LDLRAD3: variants seen among roughly 807,000 people sequenced by gnomAD.
LDLRAD3 encodes the protein low-density lipoprotein receptor class A domain-containing protein 3.
A neutral mutation model predicts 29.4 loss-of-function variants in LDLRAD3; 20 were observed. That is an observed-to-expected ratio of 0.68 (90% CI 0.48 to 0.99). The LOEUF (loss-of-function observed/expected upper bound fraction) is 0.99. Ranked by LOEUF, LDLRAD3 falls within the 50% of genes least tolerant of loss-of-function variation. The pLI, the probability that LDLRAD3 is intolerant of heterozygous loss-of-function variation, is 0.00. For synonymous variants in LDLRAD3, 157 were observed against 192.7 expected (o/e 0.81, Z 1.53); for missense variants, 420 against 454.3 (o/e 0.92, Z 0.69).
intron 1 of LDLRAD3, chr11:35,972,809 G>C (rs1212919277): frequency 1.3e-5 from 2 of 152,180 alleles, no homozygotes; most frequent in African/African-American, 4.8e-5. Flanking sequence ...CTACCACTTT[G>C]GGAGACCCAG....
chr11:36,072,450 GGA>G (rs1319979014), intron 2 of LDLRAD3, among the ~76,000 whole-genome samples: 1 of 152,196 alleles, frequency 6.6e-6, no homozygotes, highest in Non-Finnish European at 1.5e-5. Flanking sequence ...AGACAGATTG[GGA>G]GCTACAGGCA....
At chr11:36,074,799 G>A (rs1277459253) in intron 2 of LDLRAD3, among the ~76,000 whole-genome samples, 2 of 152,190 alleles carry the variant, frequency 1.3e-5, no homozygotes, top group East Asian at 3.9e-4. Flanking sequence ...GGACACGATG[G>A]CTGGAGAGCT....
chr11:36,056,961 G>T (rs367597565), intron 2 of LDLRAD3, among the ~76,000 whole-genome samples: 15 of 152,184 alleles, frequency 9.9e-5, no homozygotes, highest in African/African-American at 3.4e-4. Flanking sequence ...GGTATGTGGG[G>T]TAAGGCTGAT....
chr11:36,093,872 T>C (rs1370257270), intron 3 of LDLRAD3, among the ~76,000 whole-genome samples: 1 of 152,086 alleles, frequency 6.6e-6, no homozygotes, highest in Non-Finnish European at 1.5e-5. Flanking sequence ...GGACTCAGAA[T>C]GGGGAGTCCA....
intron 1 of LDLRAD3, among the ~76,000 whole-genome samples, chr11:36,022,899 C>A (rs115280713): frequency 0.011 from 1,626 of 152,214 alleles, 14 homozygotes; most frequent in African/African-American, 0.036. Context: ...AAGCTGCGAT[C>A]ATTCAGACAT....
chr11:36,160,610 C>T (rs1489223825), intron 4 of LDLRAD3, among the ~76,000 whole-genome samples: 2 of 152,076 alleles, frequency 1.3e-5, no homozygotes, highest in African/African-American at 4.8e-5. Context: ...CTCTGCTTGT[C>T]AGAGAGGATC....
At chr11:36,108,936 A>G (rs750138757) in intron 4 of LDLRAD3, among the ~76,000 whole-genome samples, 3 of 152,072 alleles carry the variant, frequency 2.0e-5, no homozygotes, top group Non-Finnish European at 4.4e-5. Context: ...GTGGAAAATT[A>G]CTAAGAGGAA....
At chr11:35,954,058 A>G (rs1438248086) in intron 1 of LDLRAD3, among the ~76,000 whole-genome samples, 2 of 152,246 alleles carry the variant, frequency 1.3e-5, no homozygotes, top group African/African-American at 2.4e-5. Flanking sequence ...CAGTGTAACA[A>G]TAAACATCGG....
chr11:36,099,096 G>A (rs376120101), intron 4 of LDLRAD3, among the ~76,000 whole-genome samples: 44 of 151,442 alleles, frequency 2.9e-4, no homozygotes, highest in African/African-American at 8.7e-4. Flanking sequence ...ATTTTTTCCC[G>A]TCATGTTTGT....
At chr11:36,027,388 G>C (rs537663123) in intron 1 of LDLRAD3, among the ~76,000 whole-genome samples, 1 of 152,096 alleles carries the variant, frequency 6.6e-6, no homozygotes, top group Non-Finnish European at 1.5e-5. Context: ...TTGATACTTC[G>C]TGGGTTATAC....
intron 4 of LDLRAD3, among the ~76,000 whole-genome samples, chr11:36,218,369 T>G (rs890611305): frequency 6.6e-6 from 1 of 152,212 alleles, no homozygotes; most frequent in African/African-American, 2.4e-5. Context: ...CAGGGTGATG[T>G]GAGCCACTGA....
intron 1 of LDLRAD3, among the ~76,000 whole-genome samples, chr11:35,961,709 G>T (rs980745792): frequency 1.3e-5 from 2 of 152,056 alleles, no homozygotes; most frequent in Non-Finnish European, 2.9e-5. Flanking sequence ...TAAAGCTTTT[G>T]CATTTTACTC....
At chr11:36,108,588 A>T (rs1853565187) in intron 4 of LDLRAD3, among the ~76,000 whole-genome samples, 1 of 152,078 alleles carries the variant, frequency 6.6e-6, no homozygotes, top group Admixed American at 6.5e-5. Flanking sequence ...TCAAGACAAG[A>T]TGCTGAAGTT....
intron 4 of LDLRAD3, among the ~76,000 whole-genome samples, chr11:36,187,439 G>A (rs975387135): frequency 1.3e-5 from 2 of 152,062 alleles, no homozygotes; most frequent in Non-Finnish European, 2.9e-5. Context: ...TTATAGGAAC[G>A]GAATCCTACA....
chr11:36,051,531 T>G (rs1852528076), intron 2 of LDLRAD3, among the ~76,000 whole-genome samples: 1 of 152,224 alleles, frequency 6.6e-6, no homozygotes, highest in South Asian at 2.1e-4. Context: ...GAACAACACC[T>G]GCTTCACAGT....
At chr11:36,143,277 T>C (rs1484062447) in intron 4 of LDLRAD3, among the ~76,000 whole-genome samples, 1 of 152,092 alleles carries the variant, frequency 6.6e-6, no homozygotes, top group Non-Finnish European at 1.5e-5. Context: ...TGCTTAAAAG[T>C]CACAAAGAAC....
intron 1 of LDLRAD3, among the ~76,000 whole-genome samples, chr11:35,977,705 C>G (rs997852850): frequency 6.6e-6 from 1 of 152,084 alleles, no homozygotes; most frequent in African/African-American, 2.4e-5. Flanking sequence ...TCACAATTCT[C>G]TAGGCTGGGA....
At chr11:36,163,079 G>A (rs1854466263) in intron 4 of LDLRAD3, among the ~76,000 whole-genome samples, 1 of 152,216 alleles carries the variant, frequency 6.6e-6, no homozygotes, top group Non-Finnish European at 1.5e-5. Context: ...AACTCTAGGG[G>A]CTAAAAGTGG....
intron 4 of LDLRAD3, among the ~76,000 whole-genome samples, chr11:36,171,122 A>C (rs1250433828): frequency 6.6e-6 from 1 of 152,026 alleles, no homozygotes; most frequent in Non-Finnish European, 1.5e-5. Context: ...TTGTGTCCTT[A>C]GCCCACTATT....
Sources: allele counts gnomAD v4.1 joint callset (sites outside exome capture counted in the v4.1 genomes callset), GRCh38; gene constraint gnomAD v4.1.1; transcripts MANE v1.5; gene names NCBI Gene and HGNC (gene_info 2026-07-23, HGNC 2026-07-21).